The following ROBO2 variants were observed in gnomAD, a reference collection of about 807,000 sequenced individuals.
The protein encoded by ROBO2 is roundabout guidance receptor 2, also known as roundabout homolog 2.
ROBO2 carries 53 observed loss-of-function variants against 160.8 expected under a neutral mutation model. The observed-to-expected ratio is 0.33, with a 90% CI of 0.26 to 0.41. ROBO2 has a LOEUF of 0.41. ROBO2 is among the 10% of genes least tolerant of loss of function. The pLI is 1.00. For synonymous variants in ROBO2, 664 were observed against 611.7 expected (o/e 1.09, Z -1.26); for missense variants, 1,577 against 1,722.4 (o/e 0.92, Z 1.49).
chr3:76,652,107 G>C (rs2091281256), intron 2 of ROBO2, among the ~76,000 whole-genome samples: 1 of 152,112 alleles, frequency 6.6e-6, no homozygotes, highest in Non-Finnish European at 1.5e-5. Flanking sequence ...CAACAAATTA[G>C]CCATTAGTAA....
At chr3:76,256,802 G>T (rs1454007508) in intron 2 of ROBO2, among the ~76,000 whole-genome samples, 1 of 152,038 alleles carries the variant, frequency 6.6e-6, no homozygotes, top group Non-Finnish European at 1.5e-5. Context: ...GGTTCTGCAG[G>T]CTTCATAGGA....
chr3:76,160,527 G>T (rs2072585791), intron 2 of ROBO2, among the ~76,000 whole-genome samples: 2 of 152,262 alleles, frequency 1.3e-5, no homozygotes, highest in Middle Eastern at 3.4e-3. Flanking sequence ...GCCTGCTGCT[G>T]CAAGCTTCAT....
chr3:76,379,761 A>G (rs1308818139), intron 2 of ROBO2, among the ~76,000 whole-genome samples: 1 of 152,130 alleles, frequency 6.6e-6, no homozygotes, highest in Non-Finnish European at 1.5e-5. Context: ...TTTGTCATTT[A>G]TTTTCCATTA....
At chr3:76,771,973 A>G (rs2061934314) in intron 2 of ROBO2, among the ~76,000 whole-genome samples, 1 of 151,308 alleles carries the variant, frequency 6.6e-6, no homozygotes, top group African/African-American at 2.4e-5. Flanking sequence ...AGGTACAAAT[A>G]TTATCGTTGC....
intron 2 of ROBO2, among the ~76,000 whole-genome samples, chr3:76,840,296 T>C (rs6809145): frequency 0.055 from 8,399 of 152,090 alleles, 245 homozygotes; most frequent in East Asian, 0.11. Flanking sequence ...TTTTATTCTA[T>C]AGGCAATTGT....
At chr3:76,650,296 T>C (rs373193448) in intron 2 of ROBO2, among the ~76,000 whole-genome samples, 1 of 152,154 alleles carries the variant, frequency 6.6e-6, no homozygotes, top group East Asian at 1.9e-4. Flanking sequence ...TGTTTAAAGG[T>C]AGAACATTGC....
At chr3:77,029,052 A>G (rs1306109871) in intron 2 of ROBO2, among the ~76,000 whole-genome samples, 1 of 152,206 alleles carries the variant, frequency 6.6e-6, no homozygotes, top group African/African-American at 2.4e-5. Context: ...AAATATTGCT[A>G]GTGATACATT....
At chr3:76,868,379 G>A (rs548782459) in intron 2 of ROBO2, among the ~76,000 whole-genome samples, 1 of 152,186 alleles carries the variant, frequency 6.6e-6, no homozygotes, top group South Asian at 2.1e-4. Flanking sequence ...CATTGCTCCT[G>A]AATGAACGAG....
chr3:76,430,934 A>T lies in ROBO2; in HGVS notation c.109+493332A>T, dbSNP rs148778429. On this transcript the variant is annotated intron_variant, in intron 2 of 26. Coordinates refer to the ROBO2 transcript ENST00000487694. ...TAGAATTTTAACTTTTAATTAGTGA[A>T]ATTATGAAACTCTCTTACTGTTTTT... Among the ~76,000 whole-genome samples, 1,393 of 152,148 alleles carry T rather than the reference A, an allele frequency of 9.2e-3. 33 individuals carry two copies. Among genetic ancestry groups the T allele is most frequent in the South Asian group, 0.059 (283 of 4,826 alleles).
intron 2 of ROBO2, among the ~76,000 whole-genome samples, chr3:76,825,146 C>T (rs1476938263): frequency 1.3e-5 from 2 of 152,120 alleles, no homozygotes; most frequent in Non-Finnish European, 1.5e-5. Flanking sequence ...CTTACACTGA[C>T]CCCCGCCATA....
At chr3:76,922,166 C>T (rs2076705711) in intron 2 of ROBO2, among the ~76,000 whole-genome samples, 1 of 152,068 alleles carries the variant, frequency 6.6e-6, no homozygotes, top group Admixed American at 6.5e-5. Flanking sequence ...AAAAAGTTAT[C>T]CAGGCATGGT....
intron 2 of ROBO2, among the ~76,000 whole-genome samples, chr3:77,123,789 A>C (rs1166876906): frequency 1.3e-5 from 2 of 149,178 alleles, no homozygotes; most frequent in African/African-American, 2.4e-5. Context: ...ATGTATCTAG[A>C]TAGATATATA....
rs527378514 is a variant in ROBO2, at chr3:76,033,362, G to A, written c.109+95760G>A. Reference sequence around the variant, plus strand: ...GCTGTGCTATTGCTTTTACTTCTTAGTGTGAATACTAAAAGGCCTAGGGTC... The same window carrying A: ...GCTGTGCTATTGCTTTTACTTCTTAATGTGAATACTAAAAGGCCTAGGGTC... On this transcript the variant is annotated intron_variant, in intron 2 of 26. Transcript: ENST00000487694. Among the ~76,000 whole-genome samples, 55 of 152,146 alleles carry A rather than the reference G, an allele frequency of 3.6e-4. 1 individual carries two copies. Among genetic ancestry groups the A allele is most frequent in the Middle Eastern group, 3.4e-3 (1 of 294 alleles).
At chr3:77,293,704 G>A (rs1468993671) in intron 2 of ROBO2, among the ~76,000 whole-genome samples, 1 of 131,206 alleles carries the variant, frequency 7.6e-6, no homozygotes, top group African/African-American at 3.3e-5. Flanking sequence ...GGCTAGAACA[G>A]TAAAGACATA....
chr3:77,318,108 C>A (rs1204276388), intron 2 of ROBO2, among the ~76,000 whole-genome samples: 2 of 151,768 alleles, frequency 1.3e-5, no homozygotes, highest in East Asian at 1.9e-4. Context: ...AGTATAGTGG[C>A]ATAGTCTCGG....
intron 2 of ROBO2, among the ~76,000 whole-genome samples, chr3:77,359,869 A>G (rs559076291): frequency 6.6e-6 from 1 of 152,038 alleles, no homozygotes; most frequent in East Asian, 1.9e-4. Context: ...TATTTTCTGT[A>G]GAGACTGGGT....
chr3:76,062,423 C>T (rs1019121993), intron 2 of ROBO2, among the ~76,000 whole-genome samples: 4 of 151,874 alleles, frequency 2.6e-5, no homozygotes, highest in African/African-American at 7.3e-5. Context: ...TGTAAGAGTC[C>T]CTATAGTTTT....
chr3:76,792,971 T>C (rs2063464859), intron 2 of ROBO2, among the ~76,000 whole-genome samples: 1 of 151,854 alleles, frequency 6.6e-6, no homozygotes, highest in South Asian at 2.1e-4. Flanking sequence ...TATGCTATAT[T>C]GAATATTTCT....
At chr3:76,310,600 G>A (rs2107779916) in intron 2 of ROBO2, among the ~76,000 whole-genome samples, 1 of 152,234 alleles carries the variant, frequency 6.6e-6, no homozygotes, top group South Asian at 2.1e-4. Flanking sequence ...TGAATGTCAC[G>A]AGGTGAAGTA....
Sources: allele counts gnomAD v4.1 joint callset (sites outside exome capture counted in the v4.1 genomes callset), GRCh38; gene constraint gnomAD v4.1.1; transcripts MANE v1.5; gene names NCBI Gene and HGNC (gene_info 2026-07-23, HGNC 2026-07-21).